Variants in SPATA6 observed in about 807,000 individuals in gnomAD.
The protein encoded by SPATA6 is spermatogenesis-associated protein 6.
SPATA6 carries 56 observed loss-of-function variants against 65.3 expected under a neutral mutation model. That is an observed-to-expected ratio of 0.86 (90% CI 0.69 to 1.07). The LOEUF is 1.07. Among genes scored for constraint, SPATA6 ranks in the 50% least tolerant of loss-of-function variants. SPATA6 has a pLI of 0.00. For synonymous variants in SPATA6, 199 were observed against 213.2 expected, an observed-to-expected ratio of 0.93 and a Z score of 0.58; for missense variants, 590 against 594.8, an observed-to-expected ratio of 0.99 and a Z score of 0.08.
Position 48,393,482 on chromosome 1 carries a change from C to T in SPATA6, c.868+1785G>A, listed in dbSNP as rs114870512. Among the ~76,000 whole-genome samples the T allele has an allele frequency of 8.5e-3, 1,299 of 152,062 alleles. 22 individuals carry two copies. The highest frequency in any genetic ancestry group is 0.03 in the African/African-American group (1,258 of 41,456). Reference sequence around the variant, plus strand: ...ACAAAAGAGGCATGGCAGCTGAATGCTATGTATGATGATATTTCTTTTGCT... The same window carrying T: ...ACAAAAGAGGCATGGCAGCTGAATGTTATGTATGATGATATTTCTTTTGCT... On this transcript the variant is annotated intron_variant, in intron 8 of 12. Transcript: ENST00000371847.
chr1:48,440,220 C>T (rs532452256), intron 3 of SPATA6, among the ~76,000 whole-genome samples: 2 of 152,198 alleles, frequency 1.3e-5, no homozygotes, highest in East Asian at 3.9e-4. Flanking sequence ...TAATCTGGCC[C>T]AATCCGGGTA....
chr1:48,344,154 G>A (rs986295686), intron 11 of SPATA6: 2 of 152,076 alleles, frequency 1.3e-5, no homozygotes, highest in Non-Finnish European at 2.9e-5. Context: ...TGTTAAAAGT[G>A]TAAGTATGAA....
intron 3 of SPATA6, among the ~76,000 whole-genome samples, chr1:48,427,367 G>A (rs1011904909): frequency 1.4e-5 from 2 of 146,488 alleles, no homozygotes; most frequent in Non-Finnish European, 3.0e-5. Flanking sequence ...AGCACAGAAA[G>A]TAAACACTAA....
chr1:48,288,599 A>G, the SPATA6 span, among the ~76,000 whole-genome samples: 1 of 152,194 alleles, frequency 6.6e-6, no homozygotes, highest in East Asian at 1.9e-4. Context: ...TTCCTAGCCA[A>G]GGGAAGCCAT....
Position 48,453,088 on chromosome 1 carries a change from T to G in SPATA6, c.95A>C (p.Tyr32Ser). The G allele has an allele frequency of 1.2e-6, 2 of 1,613,868 alleles. No individual in the cohort carries two copies. The highest frequency in any genetic ancestry group is 1.7e-6 in the Non-Finnish European group (2 of 1,179,952). ...TTGGCCAAACACACAGATGCTAAGA[T>G]AGATGTCCTCTTTGTCTTTAAGCAC... ...GVVLKDKEDI[Y>S]LSICVFGQYK... Residue 32 changes from tyrosine (Y) to serine (S), a missense_variant, in exon 2 of 13, where the codon TAT becomes TCT. Coordinates refer to ENST00000371847, the MANE Select transcript of SPATA6 (RefSeq NM_019073.4).
At position 48,436,089 on chromosome 1, in the gene SPATA6, T is replaced by G. The variant is rs1654912778; in HGVS notation, c.238+15463A>C. The G allele has an allele frequency of 3.1e-6, 5 of 1,609,858 alleles. No individual in the cohort carries two copies. In the Admixed American group the frequency reaches 8.3e-5, roughly 27 times the overall value. On this transcript the variant is annotated intron_variant, in intron 3 of 12. Coordinates refer to ENST00000371847, the MANE Select transcript of SPATA6 (RefSeq NM_019073.4). The stretch of plus-strand genomic sequence containing the variant: ...ATGAGCCAACCCTTTCCTGGTCACC[T>G]CCATCCACTAGAGCCAGTGAAGTAC...
Position 48,310,782 on chromosome 1 carries a change from T to A in SPATA6, c.1195-4904A>T, listed in dbSNP as rs1055893633. Reference sequence around the variant, plus strand: ...TTCCACCCAACGATAGCAAAATACATATTCTTTTCAAGTGCATATGAAAAA... The same window carrying A: ...TTCCACCCAACGATAGCAAAATACAAATTCTTTTCAAGTGCATATGAAAAA... On this transcript the variant is annotated intron_variant, in intron 11 of 12. Coordinates refer to ENST00000371847, the MANE Select transcript of SPATA6 (RefSeq NM_019073.4). Among the ~76,000 whole-genome samples, 5 of 152,168 alleles carry A rather than the reference T, an allele frequency of 3.3e-5. No individual in the cohort carries two copies. In the South Asian group the frequency reaches 8.3e-4, roughly 25 times the overall value.
At chr1:48,457,587 A>C (rs1042211906) in intron 1 of SPATA6, among the ~76,000 whole-genome samples, 3 of 152,242 alleles carry the variant, frequency 2.0e-5, no homozygotes. Context: ...CAGTAGGCAG[A>C]GTGATAACTG....
At chr1:48,378,950 A>T (rs1221395965) in intron 9 of SPATA6, among the ~76,000 whole-genome samples, 1 of 152,220 alleles carries the variant, frequency 6.6e-6, no homozygotes, top group Non-Finnish European at 1.5e-5. Context: ...ATTATACAAC[A>T]ACATAAACCT....
At chr1:48,355,827 T>C (rs1646644385) in intron 10 of SPATA6, 58 bp from the exon 11 acceptor site, 1 of 1,377,600 alleles carries the variant, frequency 7.3e-7, no homozygotes, top group Admixed American at 1.8e-5. Flanking sequence ...GATTCTAAGC[T>C]ATACTATCAA....
intron 9 of SPATA6, among the ~76,000 whole-genome samples, chr1:48,366,493 C>CAG (rs542873648): frequency 0.026 from 3,901 of 152,172 alleles, 109 homozygotes; most frequent in African/African-American, 0.07. Flanking sequence ...TTGGTCTATT[C>CAG]AGAGTCAACT....
chr1:48,304,555 G>A (rs1211685443), intron 12 of SPATA6, among the ~76,000 whole-genome samples: 1 of 151,988 alleles, frequency 6.6e-6, no homozygotes, highest in Non-Finnish European at 1.5e-5. Flanking sequence ...TGTTGCCCAG[G>A]CTATTCTCAA....
At chr1:48,416,504 T>C (rs771053534) in intron 3 of SPATA6, among the ~76,000 whole-genome samples, 1 of 152,196 alleles carries the variant, frequency 6.6e-6, no homozygotes, top group Non-Finnish European at 1.5e-5. Context: ...TATGTGTATA[T>C]ATGTACACAC....
intron 11 of SPATA6, among the ~76,000 whole-genome samples, chr1:48,334,046 C>T (rs1026199814): frequency 6.6e-6 from 1 of 152,052 alleles, no homozygotes; most frequent in East Asian, 1.9e-4. Context: ...TGGATAAATT[C>T]CTGGACATAT....
At position 48,310,334 on chromosome 1, in the gene SPATA6, T is replaced by C. The variant is rs560811142; in HGVS notation, c.1195-4456A>G. The stretch of plus-strand genomic sequence containing the variant: ...GAAGAAATCCTAACTTTATTTTACC[T>C]CTAACAGTGCCTGCCAAAATTTTGG... On this transcript the variant is annotated intron_variant, in intron 11 of 12. Coordinates refer to ENST00000371847, the MANE Select transcript of SPATA6 (RefSeq NM_019073.4). Among the ~76,000 whole-genome samples, 429 of 152,266 alleles carry C rather than the reference T, an allele frequency of 2.8e-3. 1 individual carries two copies. Among genetic ancestry groups the C allele is most frequent in the African/African-American group, 0.01 (417 of 41,546 alleles).
At chr1:48,469,496 A>G (rs1658069099) in intron 1 of SPATA6, among the ~76,000 whole-genome samples, 1 of 123,474 alleles carries the variant, frequency 8.1e-6, no homozygotes, top group African/African-American at 3.0e-5. Flanking sequence ...ATATATATAT[A>G]TATGTTGTGT....
At chr1:48,292,477 G>C (rs182909198), downstream of SPATA6, among the ~76,000 whole-genome samples, 45 of 152,334 alleles carry the variant, frequency 3.0e-4, no homozygotes, top group Non-Finnish European at 4.4e-4. Context: ...AGATAATGCC[G>C]AAGTTGGCAG....
At position 48,319,087 on chromosome 1, in the gene SPATA6, T is replaced by C. The variant is rs1388270184; in HGVS notation, c.1195-13209A>G. Reference sequence around the variant, plus strand: ...CATGAAAAAGAATTAATTTGGACTCTCTATCTCACACAAAATACAAAAATC... The same window carrying C: ...CATGAAAAAGAATTAATTTGGACTCCCTATCTCACACAAAATACAAAAATC... On this transcript the variant is annotated intron_variant, in intron 11 of 12. Coordinates refer to ENST00000371847, the MANE Select transcript of SPATA6 (RefSeq NM_019073.4). Among the ~76,000 whole-genome samples, 5 of 152,184 alleles carry C rather than the reference T, an allele frequency of 3.3e-5. No homozygotes were observed. In the South Asian group the frequency reaches 8.3e-4, roughly 25 times the overall value.
chr1:48,361,752 T>G (rs1319350144), intron 9 of SPATA6, among the ~76,000 whole-genome samples: 1 of 152,176 alleles, frequency 6.6e-6, no homozygotes, highest in East Asian at 1.9e-4. Flanking sequence ...GATGTCTAGG[T>G]GTATACATTA....
Sources: allele counts gnomAD v4.1 joint callset (sites outside exome capture counted in the v4.1 genomes callset), GRCh38; gene constraint gnomAD v4.1.1; transcripts MANE v1.5; gene names NCBI Gene and HGNC (gene_info 2026-07-23, HGNC 2026-07-21).